CPNE4: variants seen among roughly 807,000 people sequenced by gnomAD.
CPNE4 encodes the protein copine 4, also known as copine-4.
A neutral mutation model predicts 67.9 loss-of-function variants in CPNE4; 25 were observed. That is an observed-to-expected ratio of 0.37 (90% CI 0.27 to 0.51). The LOEUF (loss-of-function observed/expected upper bound fraction) is 0.51, where lower values mean the gene tolerates loss of function less well. Among genes scored for constraint, CPNE4 ranks in the 20% least tolerant of loss-of-function variants. CPNE4 has a pLI of 0.93. For synonymous variants in CPNE4, 242 were observed against 244.9 expected (o/e 0.99, Z 0.11); for missense variants, 464 against 690.8 (o/e 0.67, Z 3.68).
chr3:131,780,131 TATC>T (rs946153755), intron 2 of CPNE4, among the ~76,000 whole-genome samples: 18 of 152,232 alleles, frequency 1.2e-4, no homozygotes, highest in African/African-American at 3.6e-4. Flanking sequence ...CACAATGAGA[TATC>T]ATCTCACATC....
intron 1 of CPNE4, among the ~76,000 whole-genome samples, chr3:132,005,340 TATACACACACACAC>T (rs1455962134): frequency 0.028 from 764 of 27,132 alleles, 13 homozygotes; most frequent in African/African-American, 0.1. Flanking sequence ...TATATATATA[TATACACACACACAC>T]ACACACACAC....
At chr3:131,934,315 A>G (rs1381080) in intron 1 of CPNE4, among the ~76,000 whole-genome samples, 54,513 of 152,022 alleles carry the variant, frequency 0.36, 10,380 homozygotes, top group African/African-American at 0.47. Context: ...GAATCAAAAA[A>G]TGAATGAGAG....
At chr3:131,877,951 G>C (rs2087522954) in intron 2 of CPNE4, among the ~76,000 whole-genome samples, 1 of 152,170 alleles carries the variant, frequency 6.6e-6, no homozygotes, top group Admixed American at 6.5e-5. Context: ...ATATTCACCA[G>C]GATGGCTAAG....
At chr3:131,939,964 A>C (rs2071338778) in intron 1 of CPNE4, among the ~76,000 whole-genome samples, 4 of 152,126 alleles carry the variant, frequency 2.6e-5, no homozygotes, top group African/African-American at 9.7e-5. Context: ...ACTTGCCCTA[A>C]GTCACACAGC....
At chr3:131,816,132 G>T (rs150232745) in intron 2 of CPNE4, among the ~76,000 whole-genome samples, 1 of 152,248 alleles carries the variant, frequency 6.6e-6, no homozygotes, top group African/African-American at 2.4e-5. Flanking sequence ...TATGGAAAAA[G>T]ATCCTAAAAC....
chr3:131,983,667 G>C (rs1179936107), intron 1 of CPNE4, among the ~76,000 whole-genome samples: 2 of 152,158 alleles, frequency 1.3e-5, no homozygotes, highest in Non-Finnish European at 2.9e-5. Flanking sequence ...CCTTGGATTT[G>C]AGAACAAGCA....
At chr3:131,997,586 G>T (rs189763358) in intron 1 of CPNE4, among the ~76,000 whole-genome samples, 2 of 152,224 alleles carry the variant, frequency 1.3e-5, no homozygotes, top group African/African-American at 4.8e-5. Flanking sequence ...ATAAGAGTAG[G>T]TTCACGAATC....
In CPNE4 at chr3:131,938,819, A is replaced by G. The variant is rs532997860; in HGVS notation, c.-1-33375T>C. Among the ~76,000 whole-genome samples, 8 of 152,302 alleles carry G rather than the reference A, an allele frequency of 5.3e-5. No homozygotes were observed. In the South Asian group the frequency reaches 1.7e-3, roughly 32 times the overall value. ...GGGTAGGGACACAGAGCCAAACCAT[A>G]TAAAATGGATCAGGTTTATGGGGAA... On this transcript the variant is annotated intron_variant, in intron 1 of 15. Coordinates refer to ENST00000429747, the MANE Select transcript of CPNE4 (RefSeq NM_130808.3).
chr3:132,003,934 C>A (rs1370737296), intron 1 of CPNE4, among the ~76,000 whole-genome samples: 1 of 152,044 alleles, frequency 6.6e-6, no homozygotes, highest in African/African-American at 2.4e-5. Flanking sequence ...AAGATGCCCC[C>A]AAATTAACTA....
chr3:131,669,630 A>G (rs1309869168), intron 7 of CPNE4, 45 bp downstream of exon 7: 22 of 1,465,882 alleles, frequency 1.5e-5, no homozygotes, highest in Non-Finnish European at 1.9e-5. Flanking sequence ...GGAAGATTAA[A>G]TACTTTTTTT....
chr3:131,802,718 G>A (rs941722461), intron 2 of CPNE4, among the ~76,000 whole-genome samples: 3 of 152,154 alleles, frequency 2.0e-5, no homozygotes, highest in Non-Finnish European at 2.9e-5. Context: ...TGTTCACGGA[G>A]GGAAACCCTG....
intron 2 of CPNE4, among the ~76,000 whole-genome samples, chr3:131,882,137 T>TACACAC (rs35615774): frequency 2.0e-5 from 3 of 150,682 alleles, no homozygotes; most frequent in African/African-American, 7.3e-5. Flanking sequence ...TCAGTTCTAA[T>TACACAC]ACACACACAC....
At chr3:131,640,863 A>G (rs2079523079) in intron 7 of CPNE4, among the ~76,000 whole-genome samples, 1 of 152,118 alleles carries the variant, frequency 6.6e-6, no homozygotes, top group African/African-American at 2.4e-5. Context: ...AATAAAGCCA[A>G]ATATTTACAG....
intron 2 of CPNE4, among the ~76,000 whole-genome samples, chr3:131,731,843 A>G (rs1046361176): frequency 1.3e-5 from 2 of 152,138 alleles, no homozygotes; most frequent in South Asian, 2.1e-4. Context: ...GAAATCCTGT[A>G]TAATACACAC....
chr3:131,991,296 G>T lies in CPNE4; in HGVS notation c.-2+43271C>A, dbSNP rs775383334. On this transcript the variant is annotated intron_variant, in intron 1 of 15. Coordinates refer to ENST00000429747, the MANE Select transcript of CPNE4 (RefSeq NM_130808.3). The stretch of plus-strand genomic sequence containing the variant: ...TCCTAGAGAATTGGAGAACTCAGAA[G>T]ACAGGAAGATGTGGGAAAGTTTGAA... Among the ~76,000 whole-genome samples, 6 of 136,364 alleles carry T rather than the reference G, an allele frequency of 4.4e-5. 2 individuals are homozygous for T. The highest frequency in any genetic ancestry group is 8.3e-5 in the Non-Finnish European group (5 of 60,146). 89.5% of individuals were successfully genotyped at this position (136,364 alleles called of 152,430 possible).
chr3:131,840,059 G>C (rs895776268), intron 2 of CPNE4, among the ~76,000 whole-genome samples: 15 of 152,144 alleles, frequency 9.9e-5, no homozygotes, highest in Non-Finnish European at 1.0e-4. Context: ...TAGCATGAGG[G>C]AGAACTTGGT....
chr3:131,769,503 G>A (rs1414004606), intron 2 of CPNE4, among the ~76,000 whole-genome samples: 3 of 152,160 alleles, frequency 2.0e-5, no homozygotes, highest in Non-Finnish European at 4.4e-5. Flanking sequence ...GAGCTTAGAT[G>A]TGAGTTATGT....
intron 2 of CPNE4, among the ~76,000 whole-genome samples, chr3:131,736,243 A>G (rs2082231747): frequency 6.6e-6 from 1 of 152,164 alleles, no homozygotes; most frequent in African/African-American, 2.4e-5. Flanking sequence ...ATTTTCATAT[A>G]TATCACTTTT....
chr3:131,572,014 C>CT (rs1235405248), intron 10 of CPNE4, among the ~76,000 whole-genome samples: 1 of 151,876 alleles, frequency 6.6e-6, no homozygotes, highest in Non-Finnish European at 1.5e-5. Flanking sequence ...CCAATTTGTT[C>CT]TTTTTTCTAA....
Sources: allele counts gnomAD v4.1 joint callset (sites outside exome capture counted in the v4.1 genomes callset), GRCh38; gene constraint gnomAD v4.1.1; transcripts MANE v1.5; gene names NCBI Gene and HGNC (gene_info 2026-07-23, HGNC 2026-07-21).